The following CCL5 variants were observed in gnomAD, a reference collection of about 807,000 sequenced individuals.
CCL5 encodes the protein C-C motif chemokine 5.
A neutral mutation model predicts 9.0 loss-of-function variants in CCL5; 5 were observed. The observed-to-expected ratio is 0.55, with a 90% CI of 0.29 to 1.16. The LOEUF is 1.16. Ranked by LOEUF, CCL5 falls within the 50% of genes most tolerant of loss-of-function variation. The pLI is 0.08. For synonymous variants in CCL5, 66 were observed against 72.0 expected, an observed-to-expected ratio of 0.92 and a Z score of 0.42; for missense variants, 183 against 183.2, an observed-to-expected ratio of 1.00 and a Z score of 0.01.
rs760362934 is a variant in CCL5, at chr17:35,872,260, T to C, written c.*10A>G. 23 of 1,531,064 alleles carry C rather than the reference T, an allele frequency of 1.5e-5. 1 individual carries two copies. In the Admixed American group the frequency reaches 4.5e-4, roughly 30 times the overall value. The allele number at this position is 1,531,064 out of a possible 1,614,324, so 94.8% of individuals were successfully genotyped here. On this transcript the variant is annotated 3_prime_UTR_variant, in exon 4 of 4. Transcript: ENST00000651122. Reference sequence around the variant, plus strand: ...TTGTAACTGCTGCTGTGTGGTAGAATCTGGGCCCTTCAAGGAGCGGGTGGG... The same window carrying C: ...TTGTAACTGCTGCTGTGTGGTAGAACCTGGGCCCTTCAAGGAGCGGGTGGG...
intron 3 of CCL5, among the ~76,000 whole-genome samples, chr17:35,873,351 C>T (rs1009225426): frequency 2.0e-5 from 3 of 151,756 alleles, no homozygotes; most frequent in Non-Finnish European, 4.4e-5. Flanking sequence ...CCACGCCTGG[C>T]TAATTTTTTG....
intron 3 of CCL5, among the ~76,000 whole-genome samples, chr17:35,873,261 C>T (rs919342205): frequency 3.3e-5 from 5 of 150,934 alleles, no homozygotes; most frequent in African/African-American, 1.2e-4. Flanking sequence ...GATCTCAGCT[C>T]ACTGCAAGTT....
At chr17:35,874,606 GTTTAT>G (rs1366653794) in intron 3 of CCL5, among the ~76,000 whole-genome samples, 6 of 152,028 alleles carry the variant, frequency 3.9e-5, no homozygotes, top group Non-Finnish European at 2.9e-5. Flanking sequence ...CTGGCCAGAA[GTTTAT>G]TTTATTTTTT....
intron 3 of CCL5, among the ~76,000 whole-genome samples, chr17:35,874,142 G>A (rs2088412665): frequency 6.6e-6 from 1 of 151,838 alleles, no homozygotes; most frequent in Non-Finnish European, 1.5e-5. Flanking sequence ...TTCCCATTTT[G>A]GCTTTTCCTT....
At chr17:35,878,322 C>G (rs149566777) in intron 2 of CCL5, among the ~76,000 whole-genome samples, 1 of 146,518 alleles carries the variant, frequency 6.8e-6, no homozygotes, top group East Asian at 2.0e-4. Context: ...GATTGGAGTC[C>G]TGGGAACATA....
At position 35,871,652 on chromosome 17, in the gene CCL5, A is replaced by T. The variant is rs1480462854; in HGVS notation, c.*618T>A. 6.6e-6 allele frequency: 1 copy of T among 152,264 alleles called. No homozygotes were observed. The highest frequency in any genetic ancestry group is 1.5e-5 in the Non-Finnish European group (1 of 68,064). 9.4% of individuals were successfully genotyped at this position (152,264 alleles called of 1,614,324 possible). Reference sequence around the variant, plus strand: ...CCTTCCTGGTCACAGAGCCCTGGCAAAGCCAAGGCAAAGCCAGAGCTCAGA... The same window carrying T: ...CCTTCCTGGTCACAGAGCCCTGGCATAGCCAAGGCAAAGCCAGAGCTCAGA... On this transcript the variant is annotated 3_prime_UTR_variant, in exon 4 of 4. Transcript: ENST00000651122.
intron 3 of CCL5, among the ~76,000 whole-genome samples, chr17:35,874,967 G>A (rs1208160431): frequency 6.6e-6 from 1 of 151,620 alleles, no homozygotes; most frequent in Non-Finnish European, 1.5e-5. Flanking sequence ...TGATTACATA[G>A]CATAACAAAG....
chr17:35,879,715 A>T (rs2088491147), intron 1 of CCL5, among the ~76,000 whole-genome samples: 1 of 148,594 alleles, frequency 6.7e-6, no homozygotes, highest in South Asian at 2.1e-4. Flanking sequence ...ATTAGCTTTT[A>T]TTATCCTCTC....
At chr17:35,878,395 G>A (rs2088470782) in intron 2 of CCL5, 133 bp downstream of exon 2, 2 of 666,056 alleles carry the variant, frequency 3.0e-6, no homozygotes, top group East Asian at 2.7e-5. Context: ...ATGATAGCAG[G>A]GGACTCTGAG....
chr17:35,876,400 C>T (rs1279356432), intron 2 of CCL5, among the ~76,000 whole-genome samples: 1 of 152,200 alleles, frequency 6.6e-6, no homozygotes, highest in Admixed American at 6.5e-5. Flanking sequence ...CACCTTAGCT[C>T]TTTCCTCTTT....
chr17:35,878,111 C>T (rs1304733522), intron 2 of CCL5, among the ~76,000 whole-genome samples: 2 of 151,558 alleles, frequency 1.3e-5, no homozygotes, highest in East Asian at 3.9e-4. Context: ...GGTGAAACCC[C>T]GTCTCTACTA....
At chr17:35,879,544 A>G (rs112232130) in intron 1 of CCL5, among the ~76,000 whole-genome samples, 3 of 150,268 alleles carry the variant, frequency 2.0e-5, no homozygotes, top group African/African-American at 7.3e-5. Flanking sequence ...CTGAGGCAGG[A>G]GAATGGCATG....
At position 35,874,615 on chromosome 17, in the gene CCL5, A is replaced by AT. The variant is rs537685473; in HGVS notation, c.270+945dup. Among the ~76,000 whole-genome samples, 6 of 151,958 alleles carry AT rather than the reference A, an allele frequency of 3.9e-5. No individual in the cohort carries two copies. The East Asian group carries it at 1.2e-3, about 29-fold the overall frequency. ...CCATGCCTGGCCAGAAGTTTATTTT[A>AT]TTTTTTATTTTTGAGATGGTGTTTT... On this transcript the variant is annotated intron_variant, in intron 3 of 3. Coordinates refer to ENST00000651122, the MANE Select transcript of CCL5 (RefSeq NM_001278736.2).
intron 2 of CCL5, among the ~76,000 whole-genome samples, chr17:35,878,232 G>A (rs1054510902): frequency 1.4e-5 from 2 of 139,130 alleles, no homozygotes; most frequent in African/African-American, 5.4e-5. Context: ...GCAGTGAGCC[G>A]AGATCGTGCC....
In CCL5 at chr17:35,876,429, G is replaced by C. The variant is rs1349153058; in HGVS notation, c.189-787C>G. On this transcript the variant is annotated intron_variant, in intron 2 of 3. Coordinates refer to ENST00000651122, the MANE Select transcript of CCL5 (RefSeq NM_001278736.2). ...CCTCTTTAAACAGCTCTTTCACAAG[G>C]CTTAAGATGGTTCTACACTTCTCCA... Among the ~76,000 whole-genome samples, 3 of 152,120 alleles carry C rather than the reference G, an allele frequency of 2.0e-5. 1 individual carries two copies. The highest frequency in any genetic ancestry group is 1.9e-4 in the East Asian group (1 of 5,188).
rs1462650479 is a variant in CCL5, at chr17:35,872,434, A to G, written c.301T>C (p.Cys101Arg). ...GAACCCATTTCTTCTCTGGGTTGGC[A>G]CACACTTGGCGGTTCTTTCGGGTGA... is the stretch of plus-strand genomic sequence containing the variant. Residue 101 changes from cysteine (C) to arginine (R), a missense_variant, in exon 4 of 4, where the codon TGC (cysteine) becomes CGC (arginine). Physicochemically the swap from Cys to Arg is radical, Grantham distance 180 (BLOSUM62 -3). Transcript: ENST00000651122. 3.7e-6 allele frequency: 6 copies of G among 1,614,032 alleles called. No individual in the cohort carries two copies. The Admixed American group carries it at 8.3e-5, about 22-fold the overall frequency.
chr17:35,871,528 T>G lies in CCL5; in HGVS notation c.*742A>C, dbSNP rs2088362952. ...TTGAGAACTTTAATGGTAAGCCGAT[T>G]TTTCATGTTTGCCAGTAAGCTCCTG... On this transcript the variant is annotated 3_prime_UTR_variant, in exon 4 of 4. Coordinates refer to ENST00000651122, the MANE Select transcript of CCL5 (RefSeq NM_001278736.2). 6.6e-6 allele frequency: 1 copy of G among 152,210 alleles called. No homozygotes were observed. The highest frequency in any genetic ancestry group is 6.5e-5 in the Admixed American group (1 of 15,270). The allele number at this position is 152,210 out of a possible 1,614,324, so 9.4% of individuals were successfully genotyped here.
At position 35,872,475 on chromosome 17, in the gene CCL5, G is replaced by A; in HGVS notation, c.271-11C>T. Reference sequence around the variant, plus strand: ...TTTCGGGTGACAAAGCTGTGGGAGAGGAGAAGAAGAGGGAGGATGAGACCT... The same window carrying A: ...TTTCGGGTGACAAAGCTGTGGGAGAAGAGAAGAAGAGGGAGGATGAGACCT... On this transcript the variant is annotated splice_polypyrimidine_tract_variant and intron_variant, in intron 3 of 3. Transcript: ENST00000651122. 4 of 1,613,644 alleles carry A rather than the reference G, an allele frequency of 2.5e-6. No individual in the cohort carries two copies. The highest frequency in any genetic ancestry group is 3.4e-6 in the Non-Finnish European group (4 of 1,179,630).
chr17:35,874,720 C>G (rs777353975), intron 3 of CCL5, among the ~76,000 whole-genome samples: 15 of 152,160 alleles, frequency 9.9e-5, no homozygotes, highest in Non-Finnish European at 2.1e-4. Context: ...AAGCGATTCT[C>G]CTGCCTCAGC....
Sources: allele counts gnomAD v4.1 joint callset (sites outside exome capture counted in the v4.1 genomes callset), GRCh38; gene constraint gnomAD v4.1.1; transcripts MANE v1.5; gene names NCBI Gene and HGNC (gene_info 2026-07-23, HGNC 2026-07-21).